The following ARHGAP10 variants were observed in gnomAD, a reference collection of about 807,000 sequenced individuals.
ARHGAP10 encodes the protein rho GTPase-activating protein 10.
Under a neutral mutation model 108.6 loss-of-function variants are expected in ARHGAP10, and 87 were observed. The observed-to-expected ratio is 0.80, with a 90% CI of 0.67 to 0.96. The LOEUF is 0.96. ARHGAP10 is among the 40% of genes least tolerant of loss of function. ARHGAP10 has a pLI of 0.00. For missense variants in ARHGAP10, 939 were observed against 954.5 expected, an observed-to-expected ratio of 0.98 and a Z score of 0.21; for synonymous variants, 347 against 341.1, an observed-to-expected ratio of 1.02 and a Z score of -0.19.
chr4:147,847,365 G>A (rs1733678141), intron 4 of ARHGAP10, 143 bp downstream of exon 4: 2 of 768,974 alleles, frequency 2.6e-6, no homozygotes, highest in Admixed American at 5.8e-5. Flanking sequence ...TTCCCCCTTT[G>A]GGGGATATGG....
chr4:147,750,182 C>T (rs111315044), intron 1 of ARHGAP10, among the ~76,000 whole-genome samples: 71 of 152,128 alleles, frequency 4.7e-4, no homozygotes, highest in African/African-American at 1.5e-3. Flanking sequence ...CACAGTTTCT[C>T]GGTTTAATGT....
chr4:147,782,368 G>A lies in ARHGAP10; in HGVS notation c.155-40359G>A, dbSNP rs147635342. Among the ~76,000 whole-genome samples the A allele has an allele frequency of 2.6e-4, 40 of 152,204 alleles. 1 individual carries two copies. The East Asian group carries it at 6.9e-3, about 26-fold the overall frequency. On this transcript the variant is annotated intron_variant, in intron 1 of 22. Transcript: ENST00000336498. ...GTGGCATTTTCCACATGGCATATGC[G>A]TTTTATTATCAGCATGAAATTAATA...
intron 18 of ARHGAP10, among the ~76,000 whole-genome samples, chr4:147,978,075 C>T (rs1739666586): frequency 6.6e-6 from 1 of 152,134 alleles, no homozygotes; most frequent in Admixed American, 6.6e-5. Flanking sequence ...TTGATGGGCA[C>T]TCTATTGATT....
At chr4:147,955,504 G>C in intron 16 of ARHGAP10, 130 bp downstream of exon 16, 2 of 733,440 alleles carry the variant, frequency 2.7e-6, no homozygotes, top group East Asian at 5.2e-5. Context: ...TTTAAATGAT[G>C]TTTGGTGCCT....
At chr4:147,781,291 C>T (rs1167153190) in intron 1 of ARHGAP10, among the ~76,000 whole-genome samples, 1 of 152,098 alleles carries the variant, frequency 6.6e-6, no homozygotes, top group Non-Finnish European at 1.5e-5. Flanking sequence ...TTGCAGTGAG[C>T]TAAGATTGTG....
intron 19 of ARHGAP10, among the ~76,000 whole-genome samples, chr4:148,028,841 C>T (rs58497080): frequency 0.13 from 20,497 of 152,136 alleles, 2,319 homozygotes; most frequent in African/African-American, 0.31. Flanking sequence ...GGGGACTTCT[C>T]AACTGACTAG....
intron 3 of ARHGAP10, among the ~76,000 whole-genome samples, chr4:147,826,798 C>G (rs1216301490): frequency 6.6e-6 from 1 of 152,288 alleles, no homozygotes; most frequent in Admixed American, 6.5e-5. Flanking sequence ...GTATCCTTAT[C>G]ACAATCAGTA....
intron 4 of ARHGAP10, among the ~76,000 whole-genome samples, chr4:147,853,722 C>G (rs1434811438): frequency 6.8e-6 from 1 of 147,768 alleles, no homozygotes; most frequent in Non-Finnish European, 1.5e-5. Flanking sequence ...GCTGTGTGCC[C>G]TTTGCTTGAT....
At chr4:147,736,960 A>T (rs1159950443) in intron 1 of ARHGAP10, among the ~76,000 whole-genome samples, 1 of 152,056 alleles carries the variant, frequency 6.6e-6, no homozygotes, top group Non-Finnish European at 1.5e-5. Flanking sequence ...GATGCCTGGG[A>T]CTGCTACCCA....
intron 5 of ARHGAP10, among the ~76,000 whole-genome samples, chr4:147,859,007 C>T (rs769997025): frequency 1.3e-5 from 2 of 152,170 alleles, no homozygotes; most frequent in Non-Finnish European, 2.9e-5. Context: ...TCTCCAAACC[C>T]TCCTAATGGC....
intron 13 of ARHGAP10, among the ~76,000 whole-genome samples, chr4:147,934,425 A>T (rs1737842237): frequency 6.6e-6 from 1 of 152,182 alleles, no homozygotes; most frequent in Non-Finnish European, 1.5e-5. Flanking sequence ...CAGAATTCTT[A>T]CTGTCATATG....
intron 6 of ARHGAP10, chr4:147,865,182 G>A: frequency 2.5e-6 from 1 of 397,104 alleles, no homozygotes; most frequent in Non-Finnish European, 4.5e-6. Flanking sequence ...TATTCCCATT[G>A]CTACATGATC....
At chr4:147,762,775 C>A (rs1223510736) in intron 1 of ARHGAP10, among the ~76,000 whole-genome samples, 1 of 152,008 alleles carries the variant, frequency 6.6e-6, no homozygotes, top group Admixed American at 6.6e-5. Flanking sequence ...TGTGATCCAC[C>A]TGCCTCAGCC....
intron 20 of ARHGAP10, among the ~76,000 whole-genome samples, chr4:148,053,660 G>A (rs1056792172): frequency 6.6e-6 from 1 of 152,152 alleles, no homozygotes; most frequent in African/African-American, 2.4e-5. Context: ...CCATCACATT[G>A]TCTATTCACA....
At chr4:148,059,601 CT>C (rs1434594026) in intron 20 of ARHGAP10, among the ~76,000 whole-genome samples, 3 of 151,928 alleles carry the variant, frequency 2.0e-5, no homozygotes, top group African/African-American at 7.3e-5. Flanking sequence ...CAAAGATGTT[CT>C]TTGGGAAAAA....
chr4:147,847,216 T>G lies in ARHGAP10; in HGVS notation c.378T>G (p.Ala126=). 6.2e-7 allele frequency: 1 copy of G among 1,610,988 alleles called. No homozygotes were observed. Among genetic ancestry groups the G allele is most frequent in the Non-Finnish European group, 8.5e-7 (1 of 1,177,290 alleles). ...AATTCAGAAAAGAGCAACTTGGAGCTGTAAAGGTTTGTGTCTAATTTGAAT... is the reference window on the plus strand; with the variant it reads ...AATTCAGAAAAGAGCAACTTGGAGCGGTAAAGGTTTGTGTCTAATTTGAAT... The part of the protein sequence containing the change: ...LEKFRKEQLG[A]VKEEKKKFDK... Residue 126 remains alanine (A), a synonymous_variant, in exon 4 of 23, where the codon GCT becomes GCG. Coordinates refer to ENST00000336498, the MANE Select transcript of ARHGAP10 (RefSeq NM_024605.4).
intron 1 of ARHGAP10, among the ~76,000 whole-genome samples, chr4:147,758,557 A>G (rs1267140208): frequency 6.6e-6 from 1 of 152,150 alleles, no homozygotes; most frequent in East Asian, 1.9e-4. Context: ...TGTGTTGCTC[A>G]GGGAGGCCTT....
chr4:147,755,504 C>T (rs964779151), intron 1 of ARHGAP10, among the ~76,000 whole-genome samples: 1 of 151,734 alleles, frequency 6.6e-6, no homozygotes, highest in Admixed American at 6.6e-5. Context: ...GCCTGGGCAA[C>T]AAGAGTGAAA....
chr4:148,033,804 T>C (rs184924825), intron 19 of ARHGAP10, among the ~76,000 whole-genome samples: 7 of 152,340 alleles, frequency 4.6e-5, no homozygotes, highest in Non-Finnish European at 8.8e-5. Flanking sequence ...TCATTGGCAC[T>C]AACTGAGAAT....
Sources: gnomAD v4.1 joint callset for allele counts (sites outside exome capture counted in the v4.1 genomes callset) on GRCh38, gnomAD v4.1.1 for gene constraint, MANE v1.5 for transcripts, NCBI Gene and HGNC (gene_info 2026-07-23, HGNC 2026-07-21) for gene names.